Variants in MOBP observed in about 807,000 individuals in gnomAD.
The protein encoded by MOBP is myelin associated oligodendrocyte basic protein.
In MOBP, 5 loss-of-function variants were observed where a neutral mutation model predicts 15.0. The ratio of observed to expected loss-of-function variants is 0.33; its 90% confidence interval spans 0.17 to 0.70. MOBP has a LOEUF of 0.70. Ranked by LOEUF, MOBP falls within the 30% of genes least tolerant of loss-of-function variation. The pLI, the probability that MOBP is intolerant of heterozygous loss-of-function variation, is 0.67. For synonymous variants in MOBP, 88 were observed against 99.0 expected (o/e 0.89, Z 0.66); for missense variants, 188 against 257.8 (o/e 0.73, Z 1.85).
intron 4 of MOBP, among the ~76,000 whole-genome samples, chr3:39,511,215 A>G (rs2043115299): frequency 2.0e-5 from 3 of 152,198 alleles, no homozygotes; most frequent in Admixed American, 1.3e-4. Context: ...ATTTCAGTTC[A>G]CATTTGGGGA....
chr3:39,502,004 G>T lies in MOBP; in HGVS notation c.-4-62G>T. 2.1e-6 allele frequency: 3 copies of T among 1,409,116 alleles called. No homozygotes were observed. Among genetic ancestry groups the T allele is most frequent in the Non-Finnish European group, 3.0e-6 (3 of 998,826 alleles). The allele number at this position is 1,409,116 out of a possible 1,614,324, so 87.3% of individuals were successfully genotyped here. The stretch of plus-strand genomic sequence containing the variant: ...AGTAGCAGGGGGCTTCCAGAGTAGA[G>T]GGCTCCCTTTCCTGATGTGCGTTTA... On this transcript the variant is annotated intron_variant, in intron 2 of 3. Transcript: ENST00000684792. The surrounding 1 kb of genome is among the most constrained non-coding windows in gnomAD (Gnocchi z 6.3).
chr3:39,476,774 TA>T (rs1445583139), intron 1 of MOBP, among the ~76,000 whole-genome samples: 2 of 152,290 alleles, frequency 1.3e-5, no homozygotes, highest in East Asian at 3.9e-4. Flanking sequence ...TTTGATTTTT[TA>T]AAAAAATTCT....
intron 1 of MOBP, among the ~76,000 whole-genome samples, chr3:39,478,575 T>C (rs1044294557): frequency 6.6e-6 from 1 of 152,156 alleles, no homozygotes; most frequent in Non-Finnish European, 1.5e-5. Context: ...CCTACCTCTG[T>C]TTCTTTCTGT....
At chr3:39,512,197 T>C (rs961823665) in intron 4 of MOBP, among the ~76,000 whole-genome samples, 13 of 152,312 alleles carry the variant, frequency 8.5e-5, no homozygotes, top group African/African-American at 2.9e-4. Context: ...CTATTGCTAG[T>C]AAAATGCCAA....
chr3:39,489,963 A>G (rs151117742), intron 2 of MOBP, among the ~76,000 whole-genome samples: 30 of 152,334 alleles, frequency 2.0e-4, no homozygotes, highest in African/African-American at 7.0e-4. Context: ...TTGGTCTTCA[A>G]ATGACTCCAT....
intron 1 of MOBP, among the ~76,000 whole-genome samples, chr3:39,477,605 C>T (rs1193814254): frequency 1.3e-5 from 2 of 149,642 alleles, no homozygotes; most frequent in Admixed American, 1.3e-4. Context: ...TGTGCTCCTT[C>T]TGCTTGTATT....
intron 2 of MOBP, among the ~76,000 whole-genome samples, chr3:39,489,254 AG>A (rs1370580805): frequency 1.3e-5 from 2 of 152,186 alleles, no homozygotes; most frequent in African/African-American, 4.8e-5. Flanking sequence ...ATTGTCTCCT[AG>A]CACCCAGTTC....
rs865780572 is a variant in MOBP, at chr3:39,469,084, A to G, written c.-89+1344A>G. Among the ~76,000 whole-genome samples, 17 of 64,190 alleles carry G rather than the reference A, an allele frequency of 2.6e-4. 4 individuals are homozygous for G. Among genetic ancestry groups the G allele is most frequent in the Non-Finnish European group, 4.7e-4 (16 of 34,196 alleles). The allele number at this position is 64,190 out of a possible 152,430, so 42.1% of individuals were successfully genotyped here. ...TACATATATACATATGTGTGTGTGTATATACATATATACATATGTGTGTGT... is the reference window on the plus strand; with the variant it reads ...TACATATATACATATGTGTGTGTGTGTATACATATATACATATGTGTGTGT... On this transcript the variant is annotated intron_variant, in intron 1 of 3. Coordinates refer to ENST00000684792, the MANE Select transcript of MOBP (RefSeq NM_001393704.1).
At chr3:39,500,046 T>A in intron 2 of MOBP, 1 of 456,182 alleles carries the variant, frequency 2.2e-6, no homozygotes, top group Non-Finnish European at 4.4e-6. Flanking sequence ...CTGATGTCTG[T>A]GGACATTCCT....
intron 2 of MOBP, among the ~76,000 whole-genome samples, chr3:39,497,934 A>G: frequency 6.6e-6 from 1 of 152,224 alleles, no homozygotes; most frequent in East Asian, 1.9e-4. Context: ...AAACAGCTGG[A>G]CTGCTTACAG....
At chr3:39,527,345 C>G (rs1040267480), downstream of MOBP, 1 of 151,412 alleles carries the variant, frequency 6.6e-6, no homozygotes, top group African/African-American at 2.4e-5. Context: ...TTAGGGAGCT[C>G]AAATGGAGAA....
chr3:39,468,584 G>T (rs891276515), intron 1 of MOBP, among the ~76,000 whole-genome samples: 3 of 152,170 alleles, frequency 2.0e-5, no homozygotes, highest in East Asian at 1.9e-4. Flanking sequence ...AATTTCAGGT[G>T]CAGCCAAATT....
chr3:39,526,811 T>A (rs2043329262), downstream of MOBP: 1 of 137,488 alleles, frequency 7.3e-6, no homozygotes, highest in East Asian at 2.2e-4. Flanking sequence ...AGTTTCACTC[T>A]TGTTACCCAG....
At chr3:39,486,894 G>T (rs2042717866) in intron 2 of MOBP, among the ~76,000 whole-genome samples, 1 of 147,306 alleles carries the variant, frequency 6.8e-6, no homozygotes, top group African/African-American at 2.5e-5. Context: ...CTTAACTTTT[G>T]ACTATGTTTA....
At position 39,513,442 on chromosome 3, in the gene MOBP, G is replaced by T. The variant is rs776474242; in HGVS notation, c.*59G>T. 6 of 1,613,010 alleles carry T rather than the reference G, an allele frequency of 3.7e-6. No individual in the cohort carries two copies. In the East Asian group the frequency reaches 6.7e-5, roughly 18 times the overall value. ...AAGTGACCAAGGAGGAGTTTAAACT[G>T]AATGAACAACCTCGGCTCCTGGACT... On this transcript the variant is annotated 3_prime_UTR_variant, in exon 5 of 5. Coordinates refer to the MOBP transcript ENST00000311042.
intron 1 of MOBP, among the ~76,000 whole-genome samples, chr3:39,469,273 GAT>G (rs541791127): frequency 2.4e-5 from 3 of 125,598 alleles, no homozygotes; most frequent in African/African-American, 5.4e-5. Flanking sequence ...TATATGTATA[GAT>G]ATATATACAT....
chr3:39,505,351 T>A (rs1314643100), downstream of MOBP, among the ~76,000 whole-genome samples: 2 of 152,206 alleles, frequency 1.3e-5, no homozygotes, highest in East Asian at 3.8e-4. Flanking sequence ...AATTGAGCCC[T>A]GCACACAAGC....
chr3:39,515,755 AG>A (rs2043193777), exon 5 of MOBP: 4 of 152,238 alleles, frequency 2.6e-5, no homozygotes, highest in Admixed American at 2.0e-4. Flanking sequence ...ATCGTCTCAG[AG>A]GTGCTTCCCT....
At chr3:39,498,956 G>C (rs1251322174) in intron 2 of MOBP, among the ~76,000 whole-genome samples, 2 of 152,232 alleles carry the variant, frequency 1.3e-5, no homozygotes, top group African/African-American at 4.8e-5. Context: ...AAGGAATTCA[G>C]AGTCACAGTG....
Sources: allele counts gnomAD v4.1 joint callset (sites outside exome capture counted in the v4.1 genomes callset), GRCh38; gene constraint gnomAD v4.1.1; non-coding constraint Gnocchi (gnomAD v3.1); transcripts MANE v1.5; gene names NCBI Gene and HGNC (gene_info 2026-07-23, HGNC 2026-07-21).